The following UBE2L6 variants were observed in gnomAD, a reference collection of about 807,000 sequenced individuals.
The protein encoded by UBE2L6 is ubiquitin/ISG15-conjugating enzyme E2 L6.
In UBE2L6, 11 loss-of-function variants were observed where a neutral mutation model predicts 13.6. That is an observed-to-expected ratio of 0.81 (90% confidence interval 0.51 to 1.34). The LOEUF is 1.34. Ranked by LOEUF, UBE2L6 falls within the 40% of genes most tolerant of loss-of-function variation. The pLI is 0.00. For synonymous variants in UBE2L6, 74 were observed against 83.2 expected (o/e 0.89, Z 0.60); for missense variants, 197 against 199.5 (o/e 0.99, Z 0.07).
At chr11:57,555,828 CCA>C (rs1268649632) in intron 2 of UBE2L6, among the ~76,000 whole-genome samples, 1 of 152,194 alleles carries the variant, frequency 6.6e-6, no homozygotes, top group Non-Finnish European at 1.5e-5. Context: ...GCTCTGGCCT[CCA>C]GATTACTGGG....
chr11:57,566,953 C>CA lies in UBE2L6; in HGVS notation c.27+631_27+632insT, dbSNP rs969709748. The CA allele has an allele frequency of 2.9e-4, 52 of 178,354 alleles. 1 individual carries two copies. Among genetic ancestry groups the CA allele is most frequent in the Admixed American group, 1.8e-3 (27 of 15,410 alleles). The allele number at this position is 178,354 out of a possible 1,614,324, so 11.0% of individuals were successfully genotyped here. A position where few individuals can be genotyped will look rare whatever the true frequency, so the allele number is the denominator to read the frequency against. On this transcript the variant is annotated intron_variant, in intron 1 of 3. Transcript: ENST00000287156. The stretch of plus-strand genomic sequence containing the variant: ...TTTGTGTTCATCTCTGCCCGCCCCC[C>CA]CCCCCCTCCTAGAACAGGGCCAGCA...
intron 3 of UBE2L6, among the ~76,000 whole-genome samples, chr11:57,553,658 T>G (rs1944975673): frequency 6.6e-6 from 1 of 151,980 alleles, no homozygotes; most frequent in Admixed American, 6.6e-5. Flanking sequence ...GCAAAACCCC[T>G]CTCTATTAAA....
At chr11:57,567,454 G>A in intron 1 of UBE2L6, 131 bp downstream of exon 1, 1 of 1,315,120 alleles carries the variant, frequency 7.6e-7, no homozygotes, top group Non-Finnish European at 1.1e-6. Flanking sequence ...GGGGAGGACA[G>A]GGATTCAGCC....
In UBE2L6 at chr11:57,552,031, G is replaced by T; in HGVS notation, c.*327C>A. ...TGGCTGCTGGATTCATTTCCTGCAAGCAGGCCTGCAAGGTGACCTGTCTCT... is the reference window on the plus strand; with the variant it reads ...TGGCTGCTGGATTCATTTCCTGCAATCAGGCCTGCAAGGTGACCTGTCTCT... On this transcript the variant is annotated 3_prime_UTR_variant, in exon 4 of 4. Coordinates refer to ENST00000287156, the MANE Select transcript of UBE2L6 (RefSeq NM_004223.5). 3.8e-6 allele frequency: 1 copy of T among 264,132 alleles called. No individual in the cohort carries two copies. The highest frequency in any genetic ancestry group is 7.3e-6 in the Non-Finnish European group (1 of 137,888). The allele number at this position is 264,132 out of a possible 1,614,324, so 16.4% of individuals were successfully genotyped here.
intron 3 of UBE2L6, among the ~76,000 whole-genome samples, chr11:57,552,787 T>C: frequency 6.6e-6 from 1 of 152,202 alleles, no homozygotes; most frequent in East Asian, 1.9e-4. Context: ...TTCTGGGTCT[T>C]ATCCCCATTT....
Position 57,552,463 on chromosome 11 carries a change from C to T in UBE2L6, c.357G>A (p.Glu119=), listed in dbSNP as rs1364792817. The T allele has an allele frequency of 1.9e-6, 3 of 1,614,090 alleles. No homozygotes were observed. The highest frequency in any genetic ancestry group is 2.2e-5 in the East Asian group (1 of 44,902). The change falls in exon 4 of 4, where the codon GAG becomes GAA. Residue 119 remains glutamate (E), a synonymous_variant. Coordinates refer to ENST00000287156, the MANE Select transcript of UBE2L6 (RefSeq NM_004223.5). ...NVLVNRPNIR[E]PLRMDLADLL... ...GGTCAGCGAGGTCCATCCGCAGGGG[C>T]TCCCTGATATTCGGTCTATTCACCA...
intron 1 of UBE2L6, chr11:57,566,896 C>A: frequency 9.4e-6 from 4 of 426,204 alleles, no homozygotes; most frequent in Admixed American, 2.5e-5. Flanking sequence ...AAATTGTGTC[C>A]CTGATAGGAA....
At chr11:57,557,765 G>A (rs946370129) in intron 2 of UBE2L6, among the ~76,000 whole-genome samples, 2 of 152,082 alleles carry the variant, frequency 1.3e-5, no homozygotes, top group Admixed American at 1.3e-4. Context: ...ACTCAGCCTC[G>A]GGTATTCCTT....
intron 2 of UBE2L6, 142 bp from the exon 3 acceptor site, chr11:57,554,765 A>T: frequency 4.5e-6 from 4 of 887,974 alleles, no homozygotes; most frequent in Non-Finnish European, 5.2e-6. Flanking sequence ...TCATTTGACA[A>T]TTGAGTCATG....
At chr11:57,567,519 G>A (rs373167355) in intron 1 of UBE2L6, 66 bp downstream of exon 1, 4 of 1,583,378 alleles carry the variant, frequency 2.5e-6, no homozygotes, top group Non-Finnish European at 3.4e-6. Context: ...CGGAGGGGAT[G>A]GAGGGAGGAG....
At position 57,552,022 on chromosome 11, in the gene UBE2L6, T is replaced by C. The variant is rs939254676; in HGVS notation, c.*336A>G. The C allele has an allele frequency of 2.0e-5, 5 of 255,348 alleles. No homozygotes were observed. The highest frequency in any genetic ancestry group is 1.1e-4 in the African/African-American group (5 of 44,790). The allele number at this position is 255,348 out of a possible 1,614,324, so 15.8% of individuals were successfully genotyped here. A position where few individuals can be genotyped will look rare whatever the true frequency, so the allele number is the denominator to read the frequency against. On this transcript the variant is annotated 3_prime_UTR_variant, in exon 4 of 4. Transcript: ENST00000287156. ...GATTCGAGTTGGCTGCTGGATTCAT[T>C]TCCTGCAAGCAGGCCTGCAAGGTGA...
At chr11:57,555,142 C>A (rs998861534) in intron 2 of UBE2L6, among the ~76,000 whole-genome samples, 2 of 152,166 alleles carry the variant, frequency 1.3e-5, no homozygotes, top group Non-Finnish European at 2.9e-5. Flanking sequence ...CCATATGATC[C>A]AGCAGTTCTA....
intron 3 of UBE2L6, among the ~76,000 whole-genome samples, chr11:57,553,283 C>G (rs1482019214): frequency 1.3e-5 from 2 of 152,230 alleles, no homozygotes; most frequent in Admixed American, 1.3e-4. Flanking sequence ...GGCTTGAACT[C>G]ACGAGTTTGA....
chr11:57,555,327 T>C (rs547949844), intron 2 of UBE2L6, among the ~76,000 whole-genome samples: 99 of 152,280 alleles, frequency 6.5e-4, no homozygotes, highest in African/African-American at 2.4e-3. Flanking sequence ...TTCTGATATA[T>C]GCTACAACAC....
intron 1 of UBE2L6, among the ~76,000 whole-genome samples, chr11:57,565,976 A>T (rs778954441): frequency 8.0e-6 from 1 of 125,132 alleles, no homozygotes; most frequent in Non-Finnish European, 1.6e-5. Context: ...CCTATCCCTC[A>T]GCCTATGTTC....
rs1007662141 is a variant in UBE2L6, at chr11:57,555,456, A to G, written c.124-833T>C. ...GTCAAATTCATAGAAACAAAATACA[A>G]AAGTGGTCACCAGGTGCTGGGGAAA... On this transcript the variant is annotated intron_variant, in intron 2 of 3. Coordinates refer to ENST00000287156, the MANE Select transcript of UBE2L6 (RefSeq NM_004223.5). Among the ~76,000 whole-genome samples the G allele has an allele frequency of 6.6e-5, 10 of 152,212 alleles. No homozygotes were observed. In the South Asian group the frequency reaches 1.2e-3, roughly 19 times the overall value.
chr11:57,557,262 T>C (rs1360642193), intron 2 of UBE2L6, among the ~76,000 whole-genome samples: 1 of 152,142 alleles, frequency 6.6e-6, no homozygotes. Flanking sequence ...TAGAAGATCC[T>C]GGCACCTGCT....
rs774753576 is a variant in UBE2L6 at position 57,554,566 on chromosome 11, A to G, written c.181T>C (p.Tyr61His). The G allele has an allele frequency of 1.2e-6, 2 of 1,613,854 alleles. No homozygotes were observed. Among genetic ancestry groups the G allele is most frequent in the Admixed American group, 1.7e-5 (1 of 59,960 alleles). Residue 61 changes from tyrosine (Y) to histidine (H), a missense_variant, in exon 3 of 4, where the codon TAT (tyrosine) becomes CAT (histidine). By Grantham distance (83) the Tyr-to-His change is moderately conservative. Transcript: ENST00000287156. Reference sequence around the variant, plus strand: ...TTGATCATGGGAGGCTTGAACGGATACTCCGGCGGGAAGCTGATGCGCAGG... The same window carrying G: ...TTGATCATGGGAGGCTTGAACGGATGCTCCGGCGGGAAGCTGATGCGCAGG... Reference protein sequence around the residue: ...FNLRISFPPEYPFKPPMIKFT... With the variant: ...FNLRISFPPEHPFKPPMIKFT...
chr11:57,564,540 C>T (rs776629274), intron 1 of UBE2L6, among the ~76,000 whole-genome samples: 14 of 152,316 alleles, frequency 9.2e-5, no homozygotes, highest in South Asian at 6.2e-4. Context: ...TGGTGGCTCA[C>T]GCCTGTAATC....
Sources: allele counts gnomAD v4.1 joint callset (sites outside exome capture counted in the v4.1 genomes callset), GRCh38; gene constraint gnomAD v4.1.1; transcripts MANE v1.5; gene names NCBI Gene and HGNC (gene_info 2026-07-23, HGNC 2026-07-21).